ZNF462: variants seen among roughly 807,000 people sequenced by gnomAD.
ZNF462 encodes the protein zinc finger PBX1-interacting protein.
Under a neutral mutation model 201.9 loss-of-function variants are expected in ZNF462, and 10 were observed. The observed-to-expected ratio is 0.05, with a 90% confidence interval of 0.03 to 0.08. ZNF462 has a LOEUF of 0.08. Ranked by LOEUF, ZNF462 falls within the 10% of genes least tolerant of loss-of-function variation. The probability of loss-of-function intolerance (pLI) is 1.00; values close to 1 mark genes in which losing one functional copy is unlikely to be tolerated. For missense variants in ZNF462, 2,523 were observed against 3,168.3 expected (o/e 0.80, Z 4.89); for synonymous variants, 1,227 against 1,193.3 (o/e 1.03, Z -0.58).
At chr9:106,908,212 G>A (rs912603651) in intron 1 of ZNF462, among the ~76,000 whole-genome samples, 2 of 152,042 alleles carry the variant, frequency 1.3e-5, no homozygotes, top group Admixed American at 1.3e-4. Context: ...AATATGAAAT[G>A]TACCTCTTAA....
intron 10 of ZNF462, chr9:106,995,440 T>C (rs1256809213): frequency 2.0e-5 from 3 of 152,190 alleles, no homozygotes; most frequent in Admixed American, 6.5e-5. Flanking sequence ...GTTAATACTT[T>C]TTCTTTCTCA....
At chr9:106,860,982 C>A (rs149641481), upstream of ZNF462, among the ~76,000 whole-genome samples, 173 of 152,212 alleles carry the variant, frequency 1.1e-3, no homozygotes, top group African/African-American at 4.0e-3. The surrounding 1 kb of genome is among the most constrained non-coding windows in gnomAD (Gnocchi z 7.1). Flanking sequence ...CCTTTCGCCT[C>A]TGTCCTTTCT....
intron 10 of ZNF462, among the ~76,000 whole-genome samples, chr9:106,992,809 T>C (rs932526942): frequency 2.0e-5 from 3 of 152,238 alleles, no homozygotes; most frequent in East Asian, 3.9e-4. Flanking sequence ...TGTTTACTTA[T>C]AATAGATAAA....
At position 106,924,363 on chromosome 9, in the gene ZNF462, A is replaced by T; in HGVS notation, c.451A>T (p.Asn151Tyr). ...GPPVPGSLNY[N>Y]IMMHEGFGKV... is the part of the protein sequence containing the mutation. ...CCCTGTCCCGGGATCCTTAAATTAT[A>T]ATATCATGATGCACGAGGGATTTGG... Residue 151 changes from asparagine (N) to tyrosine (Y), a missense_variant, in exon 3 of 13, where the codon AAT (asparagine) becomes TAT (tyrosine). Transcript: ENST00000277225. This position sits in a 1 kb window ranked among gnomAD's most constrained non-coding sequence, Gnocchi z 6.2. 1 of 1,614,174 alleles carries T rather than the reference A, an allele frequency of 6.2e-7. No homozygotes were observed. Among genetic ancestry groups the T allele is most frequent in the South Asian group, 1.1e-5 (1 of 91,072 alleles).
chr9:106,941,271 C>T (rs751108490), intron 7 of ZNF462, among the ~76,000 whole-genome samples: 2 of 152,130 alleles, frequency 1.3e-5, no homozygotes, highest in Admixed American at 6.5e-5. Context: ...TTTTCTGGCC[C>T]TCCGACAACT....
intron 5 of ZNF462, among the ~76,000 whole-genome samples, chr9:106,934,589 A>C (rs559846006): frequency 6.6e-6 from 1 of 152,222 alleles, no homozygotes; most frequent in South Asian, 2.1e-4. Flanking sequence ...TGAGTTAAAG[A>C]GAACTAAAGG....
At chr9:107,001,177 A>G (rs1168591969) in intron 10 of ZNF462, among the ~76,000 whole-genome samples, 2 of 152,164 alleles carry the variant, frequency 1.3e-5, no homozygotes, top group Non-Finnish European at 2.9e-5. Context: ...TTCTCTTCAA[A>G]TATGTTTAAA....
intron 1 of ZNF462, among the ~76,000 whole-genome samples, chr9:106,873,333 T>G (rs74967571): frequency 2.6e-5 from 4 of 151,894 alleles, no homozygotes; most frequent in Non-Finnish European, 5.9e-5. Flanking sequence ...GGGGACACTT[T>G]AGGAAATAAA....
chr9:106,948,252 G>A (rs773315472), intron 7 of ZNF462, among the ~76,000 whole-genome samples: 2 of 152,254 alleles, frequency 1.3e-5, no homozygotes, highest in Middle Eastern at 3.4e-3. Context: ...AGAGCCAGAC[G>A]ACAGGAGTAC....
At chr9:106,951,011 A>G (rs1831320466) in intron 7 of ZNF462, among the ~76,000 whole-genome samples, 1 of 151,412 alleles carries the variant, frequency 6.6e-6, no homozygotes, top group Admixed American at 6.6e-5. Context: ...AATTGCTTGA[A>G]CCCAGGAGAC....
Position 106,974,787 on chromosome 9 carries a change from A to C in ZNF462, c.6832+514A>C. 1 of 156,248 alleles carries C rather than the reference A, an allele frequency of 6.4e-6. No homozygotes were observed. Among genetic ancestry groups the C allele is most frequent in the Admixed American group, 6.1e-5 (1 of 16,388 alleles). 9.7% of individuals were successfully genotyped at this position (156,248 alleles called of 1,614,324 possible). Reference sequence around the variant, plus strand: ...ATTCTAATAATAGTCTCTATTATATATTCTAATAATAATTAGAAAATCCAT... The same window carrying C: ...ATTCTAATAATAGTCTCTATTATATCTTCTAATAATAATTAGAAAATCCAT... On this transcript the variant is annotated intron_variant, in intron 9 of 12. Coordinates refer to ENST00000277225, the MANE Select transcript of ZNF462 (RefSeq NM_021224.6). The surrounding 1 kb of genome is among the most constrained non-coding windows in gnomAD (Gnocchi z 4.0).
intron 7 of ZNF462, among the ~76,000 whole-genome samples, chr9:106,945,944 A>G (rs931359826): frequency 2.0e-5 from 3 of 152,226 alleles, no homozygotes; most frequent in African/African-American, 7.2e-5. Context: ...ACGCTTCCCA[A>G]GATACCAACC....
intron 1 of ZNF462, among the ~76,000 whole-genome samples, chr9:106,889,227 C>A (rs951291122): frequency 4.6e-5 from 7 of 152,102 alleles, no homozygotes; most frequent in African/African-American, 1.7e-4. Flanking sequence ...ATGTACACAC[C>A]CTTCCTCCCC....
At chr9:107,007,083 C>T (rs532003567) in intron 11 of ZNF462, among the ~76,000 whole-genome samples, 7 of 152,202 alleles carry the variant, frequency 4.6e-5, no homozygotes, top group South Asian at 4.1e-4. Context: ...TTCTTCATGA[C>T]GCTCTGTGGC....
chr9:106,873,949 A>G (rs931621348), intron 1 of ZNF462, among the ~76,000 whole-genome samples: 1 of 152,216 alleles, frequency 6.6e-6, no homozygotes, highest in Non-Finnish European at 1.5e-5. Flanking sequence ...TCTGGTCTCC[A>G]GACAGACCCA....
At chr9:106,916,569 T>G (rs988954133) in intron 1 of ZNF462, among the ~76,000 whole-genome samples, 9 of 152,016 alleles carry the variant, frequency 5.9e-5, no homozygotes, top group Non-Finnish European at 1.0e-4. Context: ...GGTTTAGCTC[T>G]GGGGGGGGAG....
chr9:106,950,385 A>G lies in ZNF462; in HGVS notation c.6427+11278A>G, dbSNP rs1446902374. Among the ~76,000 whole-genome samples, 3 of 152,204 alleles carry G rather than the reference A, an allele frequency of 2.0e-5. No homozygotes were observed. The highest frequency in any genetic ancestry group is 4.4e-5 in the Non-Finnish European group (3 of 68,032). The stretch of plus-strand genomic sequence containing the variant: ...TACTTGTCCCAAACTAAATGGAGTG[A>G]GCAGCTGTGTGGTTAGTAGCTGTGG... On this transcript the variant is annotated intron_variant, in intron 7 of 12. Transcript: ENST00000277225. The surrounding 1 kb of genome is among the most constrained non-coding windows in gnomAD (Gnocchi z 4.1).
chr9:106,972,395 T>C lies in ZNF462; in HGVS notation c.6695+123T>C. 1 of 1,385,704 alleles carries C rather than the reference T, an allele frequency of 7.2e-7. No individual in the cohort carries two copies. Among genetic ancestry groups the C allele is most frequent in the Admixed American group, 2.4e-5 (1 of 41,964 alleles). 85.8% of individuals were successfully genotyped at this position (1,385,704 alleles called of 1,614,324 possible). A position where few individuals can be genotyped will look rare whatever the true frequency, so the allele number is the denominator to read the frequency against. The stretch of plus-strand genomic sequence containing the variant: ...GGGAGGCCCTGCCCATGTGATGATG[T>C]AGGGGTTGGGTCCAGGCTTCATGGA... On this transcript the variant is annotated intron_variant, in intron 8 of 12. Transcript: ENST00000277225. This position sits in a 1 kb window ranked among gnomAD's most constrained non-coding sequence, Gnocchi z 4.8.
intron 9 of ZNF462, among the ~76,000 whole-genome samples, chr9:106,983,222 G>A (rs952117857): frequency 6.6e-6 from 1 of 152,176 alleles, no homozygotes; most frequent in Non-Finnish European, 1.5e-5. Context: ...AAATAAACAA[G>A]CACACGCATT....
Sources: gnomAD v4.1 joint callset for allele counts (sites outside exome capture counted in the v4.1 genomes callset) on GRCh38, gnomAD v4.1.1 for gene constraint, Gnocchi (gnomAD v3.1) non-coding constraint, MANE v1.5 for transcripts, NCBI Gene and HGNC (gene_info 2026-07-23, HGNC 2026-07-21) for gene names.